Variants in RAD18 observed in about 807,000 individuals in gnomAD.
RAD18 encodes RAD18 E3 ubiquitin protein ligase.
Under a neutral mutation model 60.4 loss-of-function variants are expected in RAD18, and 47 were observed. That is an observed-to-expected ratio of 0.78 (90% CI 0.62 to 0.99). The LOEUF (loss-of-function observed/expected upper bound fraction) is 0.99. Ranked by LOEUF, RAD18 falls within the 50% of genes least tolerant of loss-of-function variation. The probability of loss-of-function intolerance (pLI) is 0.00; values close to 1 mark genes in which losing one functional copy is unlikely to be tolerated. For synonymous variants in RAD18, 225 were observed against 195.5 expected, an observed-to-expected ratio of 1.15 and a Z score of -1.26; for missense variants, 640 against 593.3, an observed-to-expected ratio of 1.08 and a Z score of -0.82.
At chr3:8,898,396 G>GTGTA (rs1354298178) in intron 11 of RAD18, among the ~76,000 whole-genome samples, 10 of 151,882 alleles carry the variant, frequency 6.6e-5, no homozygotes, top group African/African-American at 2.4e-4. Context: ...GTGTGTGTGT[G>GTGTA]TGTGTGTGTG....
chr3:8,890,176 A>G, intron 12 of RAD18: 2 of 551,228 alleles, frequency 3.6e-6, no homozygotes. Flanking sequence ...CAGAAATAAC[A>G]TCTGATACAT....
chr3:8,921,458 C>G (rs148039824), intron 7 of RAD18, among the ~76,000 whole-genome samples: 1,889 of 152,142 alleles, frequency 0.012, 40 homozygotes, highest in African/African-American at 0.044. Flanking sequence ...TCAACATCAG[C>G]CTGGGCAACA....
chr3:8,877,782 G>C lies in RAD18; in HGVS notation c.*3575C>G, dbSNP rs536079372. ...AGTCCTAATAGTTGAAGGAAGGAAG[G>C]ACAGGAAGAGTGGAAAGGAAAGAAA... On this transcript the variant is annotated 3_prime_UTR_variant, in exon 13 of 13. Coordinates refer to ENST00000264926, the MANE Select transcript of RAD18 (RefSeq NM_020165.4). The C allele has an allele frequency of 1.3e-5, 2 of 152,066 alleles. No individual in the cohort carries two copies. The highest frequency in any genetic ancestry group is 4.8e-5 in the African/African-American group (2 of 41,348). The allele number at this position is 152,066 out of a possible 1,614,324, so 9.4% of individuals were successfully genotyped here. A position where few individuals can be genotyped will look rare whatever the true frequency, so the allele number is the denominator to read the frequency against.
chr3:8,881,598 GTTA>G (rs1256961018), intron 12 of RAD18, 139 bp from the exon 13 acceptor site: 1 of 637,300 alleles, frequency 1.6e-6, no homozygotes, highest in East Asian at 2.9e-5. Flanking sequence ...ATTCATAATT[GTTA>G]TTATTAGTAT....
chr3:8,937,450 T>C (rs540622542), intron 6 of RAD18, among the ~76,000 whole-genome samples: 2 of 151,718 alleles, frequency 1.3e-5, no homozygotes, highest in Non-Finnish European at 2.9e-5. Context: ...TTAGTGGAAC[T>C]GAGTAATACA....
At chr3:8,927,819 C>T (rs1374262722) in intron 7 of RAD18, among the ~76,000 whole-genome samples, 3 of 151,308 alleles carry the variant, frequency 2.0e-5, no homozygotes, top group Non-Finnish European at 4.4e-5. Context: ...GACAGAAAGC[C>T]AAACACCGCA....
intron 12 of RAD18, among the ~76,000 whole-genome samples, chr3:8,882,989 G>T (rs1939497502): frequency 6.6e-6 from 1 of 152,172 alleles, no homozygotes; most frequent in Non-Finnish European, 1.5e-5. Context: ...TTTCGAGATG[G>T]AAATTCCTTC....
intron 7 of RAD18, among the ~76,000 whole-genome samples, chr3:8,919,612 A>C (rs984230895): frequency 6.6e-6 from 1 of 152,400 alleles, no homozygotes; most frequent in African/African-American, 2.4e-5. Context: ...ACGTGTGCGT[A>C]TGTATATATA....
At chr3:8,892,181 C>T (rs1939702137) in intron 11 of RAD18, among the ~76,000 whole-genome samples, 1 of 152,166 alleles carries the variant, frequency 6.6e-6, no homozygotes, top group Non-Finnish European at 1.5e-5. Flanking sequence ...TACAAGCCTA[C>T]ACAACTGCAG....
intron 1 of RAD18, among the ~76,000 whole-genome samples, chr3:8,960,636 T>C (rs1161310699): frequency 6.6e-6 from 1 of 152,230 alleles, no homozygotes; most frequent in Non-Finnish European, 1.5e-5. Flanking sequence ...AACAACTCTG[T>C]AGTTTAATCT....
At chr3:8,910,600 CAAAA>C (rs35992206) in intron 9 of RAD18, among the ~76,000 whole-genome samples, 1 of 112,424 alleles carries the variant, frequency 8.9e-6, no homozygotes. Flanking sequence ...GCCTCCATCT[CAAAA>C]AAAAAAAAAA....
At chr3:8,939,255 A>C (rs967056308) in intron 6 of RAD18, among the ~76,000 whole-genome samples, 1 of 152,160 alleles carries the variant, frequency 6.6e-6, no homozygotes, top group Non-Finnish European at 1.5e-5. Flanking sequence ...TAGTTTTTAA[A>C]ATCTAAGAGA....
chr3:8,952,269 G>C (rs963929843), intron 2 of RAD18, among the ~76,000 whole-genome samples: 1 of 152,124 alleles, frequency 6.6e-6, no homozygotes. Flanking sequence ...ACCTAAATCA[G>C]ATATGGATGA....
At chr3:8,889,519 G>A (rs147276719) in intron 12 of RAD18, among the ~76,000 whole-genome samples, 100 of 152,278 alleles carry the variant, frequency 6.6e-4, no homozygotes, top group Middle Eastern at 3.4e-3. Flanking sequence ...TGCTGTAAGC[G>A]CCTACTGTAG....
At chr3:8,955,635 C>CA (rs1276947079) in intron 2 of RAD18, among the ~76,000 whole-genome samples, 1 of 151,968 alleles carries the variant, frequency 6.6e-6, no homozygotes, top group East Asian at 1.9e-4. Context: ...CAGCTGAAAA[C>CA]AAAAAAAGAG....
chr3:8,941,193 G>A (rs1432649809), intron 5 of RAD18, among the ~76,000 whole-genome samples: 3 of 152,186 alleles, frequency 2.0e-5, no homozygotes, highest in Non-Finnish European at 4.4e-5. Context: ...TGAATGAGGG[G>A]AAGAAAGATT....
At position 8,878,905 on chromosome 3, in the gene RAD18, T is replaced by A. The variant is rs1393459383; in HGVS notation, c.*2452A>T. ...AATTACTGTAAGTTTGGTGAGAAAC[T>A]GTATTTTCACTAAAAGGTGAATTTT... is the stretch of plus-strand genomic sequence containing the variant. On this transcript the variant is annotated 3_prime_UTR_variant, in exon 13 of 13. Transcript: ENST00000264926. The A allele has an allele frequency of 6.6e-6, 1 of 152,214 alleles. No homozygotes were observed. The highest frequency in any genetic ancestry group is 2.4e-5 in the African/African-American group (1 of 41,464). 9.4% of individuals were successfully genotyped at this position (152,214 alleles called of 1,614,324 possible). A position where few individuals can be genotyped will look rare whatever the true frequency, so the allele number is the denominator to read the frequency against.
intron 10 of RAD18, 60 bp from the exon 11 acceptor site, chr3:8,899,107 T>G: frequency 7.6e-7 from 1 of 1,323,842 alleles, no homozygotes; most frequent in Non-Finnish European, 1.0e-6. Flanking sequence ...GCCTATTACT[T>G]CTGCAACACT....
intron 6 of RAD18, among the ~76,000 whole-genome samples, chr3:8,936,297 G>C (rs446596): frequency 0.59 from 90,002 of 151,974 alleles, 29,591 homozygotes; most frequent in Middle Eastern, 0.74. Context: ...GAGAGACTTG[G>C]GTCTCAAAAA....
Sources: gnomAD v4.1 joint callset for allele counts (sites outside exome capture counted in the v4.1 genomes callset) on GRCh38, gnomAD v4.1.1 for gene constraint, MANE v1.5 for transcripts, NCBI Gene and HGNC (gene_info 2026-07-23, HGNC 2026-07-21) for gene names.